Variants in GMEB2 observed in about 807,000 individuals in gnomAD.
GMEB2 encodes glucocorticoid modulatory element binding protein 2, also known as glucocorticoid modulatory element-binding protein 2.
In GMEB2, 7 loss-of-function variants were observed where a neutral mutation model predicts 45.7. The observed-to-expected ratio is 0.15, with a 90% CI of 0.09 to 0.29. The LOEUF (loss-of-function observed/expected upper bound fraction) is 0.29, where lower values mean the gene tolerates loss of function less well. Among genes scored for constraint, GMEB2 ranks in the 10% least tolerant of loss-of-function variants. The pLI is 1.00. For synonymous variants in GMEB2, 322 were observed against 323.6 expected (o/e 1.00, Z 0.05); for missense variants, 582 against 739.2 (o/e 0.79, Z 2.47).
At chr20:63,623,681 T>G (rs990476148) in intron 1 of GMEB2, among the ~76,000 whole-genome samples, 1 of 151,768 alleles carries the variant, frequency 6.6e-6, no homozygotes, top group South Asian at 2.1e-4. Flanking sequence ...GCCTGTAATC[T>G]CAGCTACTTG....
At chr20:63,626,502 G>A (rs2089674072) in intron 1 of GMEB2, among the ~76,000 whole-genome samples, 1 of 147,628 alleles carries the variant, frequency 6.8e-6, no homozygotes, top group Non-Finnish European at 1.5e-5. Context: ...GCGTCCCTGT[G>A]GGGTGGTCCC....
chr20:63,599,204 T>TCCTGACCCCCCGGAGCTAACGC lies in GMEB2; in HGVS notation c.358-1345_358-1344insGCGTTAGCTCCGGGGGGTCAGG, dbSNP rs1569050894. ...CGCTCCTGACCCCCCGGAGCTAACG[T>TCCTGACCCCCCGGAGCTAACGC]GGCCGCTCCTGACCCCCCGGAGCTA... On this transcript the variant is annotated intron_variant, in intron 4 of 9. Transcript: ENST00000370077. Among the ~76,000 whole-genome samples the TCCTGACCCCCCGGAGCTAACGC allele has an allele frequency of 3.2e-3, 480 of 150,764 alleles. 18 individuals are homozygous for TCCTGACCCCCCGGAGCTAACGC. Among genetic ancestry groups the TCCTGACCCCCCGGAGCTAACGC allele is most frequent in the African/African-American group, 8.6e-3 (353 of 41,102 alleles).
rs756557333 is a variant in GMEB2 at position 63,604,783 on chromosome 20, C to T, written c.189G>A (p.Ala63=). The change falls in exon 3 of 10, where the codon GCG becomes GCA. Residue 63 remains alanine, a synonymous_variant. Transcript: ENST00000370077. ...ETENAAAAAA[A]AFTASSQLKE... The stretch of plus-strand genomic sequence containing the variant: ...TGAGCTGGGAGGAGGCTGTGAAGGC[C>T]GCGGCAGCTGCTGCCGCTGCATTTT... 1.6e-5 allele frequency: 25 copies of T among 1,611,956 alleles called. No individual in the cohort carries two copies. The highest frequency in any genetic ancestry group is 1.6e-4 in the Middle Eastern group (1 of 6,082).
rs2089631073 is a variant in GMEB2 at position 63,619,423 on chromosome 20, C to A, written c.-26G>T. On this transcript the variant is annotated 5_prime_UTR_variant, in exon 2 of 10. Transcript: ENST00000370077. This position sits in a 1 kb window ranked among gnomAD's most constrained non-coding sequence, Gnocchi z 4.6. ...GGCTCAGCGGAAGGGGACGCCCAGG[C>A]CAGCAGCGTCAGTCCTCCAGGGTCC... The A allele has an allele frequency of 1.2e-6, 2 of 1,603,212 alleles. No homozygotes were observed. Among genetic ancestry groups the A allele is most frequent in the Non-Finnish European group, 1.7e-6 (2 of 1,177,860 alleles).
intron 1 of GMEB2, among the ~76,000 whole-genome samples, chr20:63,622,373 A>G (rs2089646688): frequency 6.6e-6 from 1 of 152,218 alleles, no homozygotes; most frequent in South Asian, 2.1e-4. Flanking sequence ...TATGCCTTCA[A>G]TGCCAGAACT....
At chr20:63,626,507 G>A (rs1248137931) in intron 1 of GMEB2, among the ~76,000 whole-genome samples, 1 of 148,850 alleles carries the variant, frequency 6.7e-6, no homozygotes, top group Non-Finnish European at 1.5e-5. Context: ...CCTGTGGGGT[G>A]GTCCCTGTGG....
At chr20:63,618,299 G>A (rs539095357) in intron 2 of GMEB2, among the ~76,000 whole-genome samples, 95 of 152,302 alleles carry the variant, frequency 6.2e-4, no homozygotes, top group African/African-American at 2.2e-3. Context: ...GGAGGACAGG[G>A]TACCTCACAC....
chr20:63,622,200 T>C (rs1260332228), intron 1 of GMEB2, among the ~76,000 whole-genome samples: 2 of 152,168 alleles, frequency 1.3e-5, no homozygotes, highest in Admixed American at 6.5e-5. Flanking sequence ...TCATCATTGT[T>C]AATATAAAAA....
intron 2 of GMEB2, among the ~76,000 whole-genome samples, chr20:63,606,060 T>C (rs1181678744): frequency 2.0e-5 from 3 of 152,206 alleles, no homozygotes; most frequent in Admixed American, 6.5e-5. Flanking sequence ...TAAAGTGTTT[T>C]ATTTCCACAA....
At chr20:63,618,373 T>C (rs1192552062) in intron 2 of GMEB2, among the ~76,000 whole-genome samples, 3 of 151,974 alleles carry the variant, frequency 2.0e-5, no homozygotes, top group Non-Finnish European at 2.9e-5. Flanking sequence ...CACCCTGACA[T>C]GCAGGAGGGA....
chr20:63,622,023 G>A (rs959841003), intron 1 of GMEB2, among the ~76,000 whole-genome samples: 46 of 152,090 alleles, frequency 3.0e-4, no homozygotes, highest in African/African-American at 1.1e-3. Context: ...CAGCTACTCT[G>A]GAGGCTGAGG....
At position 63,588,701 on chromosome 20, in the gene GMEB2, T is replaced by C; in HGVS notation, c.*1388A>G. On this transcript the variant is annotated 3_prime_UTR_variant, in exon 10 of 10. Coordinates refer to ENST00000370077, the MANE Select transcript of GMEB2 (RefSeq NM_012384.5). ...TGAAGTGGGACACAGGACCCTCGCA[T>C]TGCGGGGCCTCAGACGGGCCTTCAA... The C allele has an allele frequency of 5.0e-6, 2 of 398,516 alleles. No homozygotes were observed. The highest frequency in any genetic ancestry group is 1.3e-4 in the South Asian group (1 of 7,672). The allele number at this position is 398,516 out of a possible 1,614,324, so 24.7% of individuals were successfully genotyped here.
intron 2 of GMEB2, among the ~76,000 whole-genome samples, chr20:63,605,752 C>T (rs1005335281): frequency 2.7e-5 from 4 of 150,518 alleles, no homozygotes; most frequent in African/African-American, 9.8e-5. Context: ...GTCAGGAGTT[C>T]GAGACCAGCC....
Position 63,592,976 on chromosome 20 carries a change from G to A in GMEB2, c.691+35C>T, listed in dbSNP as rs1489670577. 6.8e-7 allele frequency: 1 copy of A among 1,470,296 alleles called. No homozygotes were observed. The allele number at this position is 1,470,296 out of a possible 1,614,324, so 91.1% of individuals were successfully genotyped here. Reference sequence around the variant, plus strand: ...GGCAGAGACTCCACCACCCCGCCAGGGCTTGTGAGAAGCCCACAAGGAGGA... The same window carrying A: ...GGCAGAGACTCCACCACCCCGCCAGAGCTTGTGAGAAGCCCACAAGGAGGA... On this transcript the variant is annotated intron_variant, in intron 7 of 9. Coordinates refer to ENST00000370077, the MANE Select transcript of GMEB2 (RefSeq NM_012384.5). The surrounding 1 kb of genome is among the most constrained non-coding windows in gnomAD (Gnocchi z 8.2).
At position 63,588,687 on chromosome 20, in the gene GMEB2, A is replaced by T; in HGVS notation, c.*1402T>A. 2.5e-6 allele frequency: 1 copy of T among 398,396 alleles called. No homozygotes were observed. Among genetic ancestry groups the T allele is most frequent in the East Asian group, 3.6e-5 (1 of 28,154 alleles). The allele number at this position is 398,396 out of a possible 1,614,324, so 24.7% of individuals were successfully genotyped here. The stretch of plus-strand genomic sequence containing the variant: ...TCCCTTCGGAGCAGTGAAGTGGGAC[A>T]CAGGACCCTCGCATTGCGGGGCCTC... On this transcript the variant is annotated 3_prime_UTR_variant, in exon 10 of 10. Coordinates refer to ENST00000370077, the MANE Select transcript of GMEB2 (RefSeq NM_012384.5).
chr20:63,623,515 T>C (rs2089651954), intron 1 of GMEB2, among the ~76,000 whole-genome samples: 1 of 152,190 alleles, frequency 6.6e-6, no homozygotes, highest in Admixed American at 6.6e-5. Context: ...AAAGCCACTT[T>C]AGGCCGGGCG....
chr20:63,597,931 G>A (rs968540973), intron 4 of GMEB2, 71 bp from the exon 5 acceptor site: 12 of 885,666 alleles, frequency 1.4e-5, no homozygotes, highest in African/African-American at 3.3e-5. Context: ...TCTCCCATCC[G>A]ACCCTGAGTC....
chr20:63,625,951 T>C (rs748398126), intron 1 of GMEB2, among the ~76,000 whole-genome samples: 3 of 152,208 alleles, frequency 2.0e-5, no homozygotes, highest in African/African-American at 4.8e-5. Context: ...ACTGATGTAA[T>C]TGAAACTGTT....
At chr20:63,616,383 G>A (rs1240342915) in intron 2 of GMEB2, among the ~76,000 whole-genome samples, 1 of 152,208 alleles carries the variant, frequency 6.6e-6, no homozygotes, top group East Asian at 1.9e-4. Context: ...GGCAGAGGTT[G>A]TAGTGAGCCG....
Sources: gnomAD v4.1 joint callset for allele counts (sites outside exome capture counted in the v4.1 genomes callset) on GRCh38, gnomAD v4.1.1 for gene constraint, Gnocchi (gnomAD v3.1) non-coding constraint, MANE v1.5 for transcripts, NCBI Gene and HGNC (gene_info 2026-07-23, HGNC 2026-07-21) for gene names.